RIN3: variants seen among roughly 807,000 people sequenced by gnomAD.
RIN3 encodes the protein Ras and Rab interactor 3, also known as RAB5 interacting protein 3.
A neutral mutation model predicts 76.3 loss-of-function variants in RIN3; 54 were observed. The ratio of observed to expected loss-of-function variants is 0.71; its 90% CI spans 0.57 to 0.89. RIN3 has a LOEUF of 0.89. Among genes scored for constraint, RIN3 ranks in the 40% least tolerant of loss-of-function variants. RIN3 has a pLI of 0.00. For missense variants in RIN3, 1,256 were observed against 1,322.1 expected, an observed-to-expected ratio of 0.95 and a Z score of 0.78; for synonymous variants, 576 against 564.0, an observed-to-expected ratio of 1.02 and a Z score of -0.30.
chr14:92,520,990 G>GTC (rs1896582181), intron 1 of RIN3, among the ~76,000 whole-genome samples: 1 of 152,070 alleles, frequency 6.6e-6, no homozygotes, highest in South Asian at 2.1e-4. Context: ...TGACATTTTT[G>GTC]ACGGAGCATC....
chr14:92,534,929 A>G (rs1896962097), intron 1 of RIN3, among the ~76,000 whole-genome samples: 1 of 152,220 alleles, frequency 6.6e-6, no homozygotes, highest in Admixed American at 6.5e-5. Context: ...AGAAAAGTGC[A>G]AAGAAGGAGA....
At chr14:92,538,584 TTGTC>T (rs1185870821) in intron 1 of RIN3, among the ~76,000 whole-genome samples, 1 of 152,134 alleles carries the variant, frequency 6.6e-6, no homozygotes, top group Non-Finnish European at 1.5e-5. Context: ...GTGAACATCT[TTGTC>T]TGTTAAGCTT....
chr14:92,565,379 C>T (rs1056148041), intron 2 of RIN3, among the ~76,000 whole-genome samples: 5 of 152,036 alleles, frequency 3.3e-5, no homozygotes, highest in African/African-American at 9.7e-5. Flanking sequence ...GGTTCTTGGA[C>T]CTCAGGCAAG....
chr14:92,522,274 C>G (rs1896620899), intron 1 of RIN3, among the ~76,000 whole-genome samples: 1 of 151,620 alleles, frequency 6.6e-6, no homozygotes, highest in African/African-American at 2.4e-5. Context: ...GTTCTTGTCT[C>G]TTTGGGTTGT....
At chr14:92,615,084 G>A (rs958709332) in intron 3 of RIN3, among the ~76,000 whole-genome samples, 5 of 151,846 alleles carry the variant, frequency 3.3e-5, no homozygotes, top group Admixed American at 6.6e-5. Context: ...CTTGTGATTC[G>A]CCCATCTCAG....
At position 92,623,210 on chromosome 14, in the gene RIN3, A is replaced by G. The variant is rs1013997197; in HGVS notation, c.440+7731A>G. 1.3e-5 allele frequency among the ~76,000 whole-genome samples: 2 copies of G among 152,228 alleles called. No homozygotes were observed. Among genetic ancestry groups the G allele is most frequent in the African/African-American group, 2.4e-5 (1 of 41,470 alleles). On this transcript the variant is annotated intron_variant, in intron 4 of 9. Transcript: ENST00000216487. This position sits in a 1 kb window ranked among gnomAD's most constrained non-coding sequence, Gnocchi z 4.9. ...ATCTGATAAGGAGGTAAGACCTTGT[A>G]AAGCTTTTGTAATTGTTCCATCAGG...
intron 1 of RIN3, among the ~76,000 whole-genome samples, chr14:92,535,358 G>T (rs1248768436): frequency 1.4e-5 from 2 of 143,934 alleles, no homozygotes; most frequent in African/African-American, 2.6e-5. Flanking sequence ...TTTTGAGGCA[G>T]GTTCTCGCTC....
At chr14:92,632,293 A>G (rs1886615051) in intron 4 of RIN3, among the ~76,000 whole-genome samples, 1 of 152,072 alleles carries the variant, frequency 6.6e-6, no homozygotes, top group African/African-American at 2.4e-5. Context: ...GTCAGCAGTG[A>G]TTTCGTGACT....
chr14:92,646,785 T>A (rs1318657149), intron 5 of RIN3, among the ~76,000 whole-genome samples: 2 of 152,214 alleles, frequency 1.3e-5, no homozygotes, highest in Admixed American at 6.5e-5. Context: ...AGGCTGAGGA[T>A]GAAAACCACA....
chr14:92,685,174 C>G lies in RIN3; in HGVS notation c.2631+24C>G, dbSNP rs1315036984. The G allele has an allele frequency of 6.4e-7, 1 of 1,568,758 alleles. No homozygotes were observed. Among genetic ancestry groups the G allele is most frequent in the Admixed American group, 1.8e-5 (1 of 54,716 alleles). ...AGGTGAGGCCTGAGAGCGGGAGGGG[C>G]CCGGTGGGGCCATGTCCCAGACACC... On this transcript the variant is annotated intron_variant, in intron 9 of 9. Transcript: ENST00000216487. This position sits in a 1 kb window ranked among gnomAD's most constrained non-coding sequence, Gnocchi z 4.7.
In RIN3 at chr14:92,528,867, G is replaced by T. The variant is rs1896814767; in HGVS notation, c.44+14891G>T. On this transcript the variant is annotated intron_variant, in intron 1 of 9. Transcript: ENST00000216487. ...GTTCGCGGGACACACTCCAGTTCTG[G>T]GGCTGGCAGAGGCTCCCCATGCAGC... Among the ~76,000 whole-genome samples, 3 of 152,242 alleles carry T rather than the reference G, an allele frequency of 2.0e-5. No individual in the cohort carries two copies. The South Asian group carries it at 6.2e-4, about 32-fold the overall frequency.
Position 92,653,002 on chromosome 14 carries a change from C to T in RIN3, c.1953C>T (p.Leu651=). 5 of 1,612,818 alleles carry T rather than the reference C, an allele frequency of 3.1e-6. No homozygotes were observed. The highest frequency in any genetic ancestry group is 4.2e-6 in the Non-Finnish European group (5 of 1,180,034). ...AGATTCGCACCATGATGACCCAGCTCAAGAGCTACCTGCTGCAGAGCACCG... is the reference window on the plus strand; with the variant it reads ...AGATTCGCACCATGATGACCCAGCTTAAGAGCTACCTGCTGCAGAGCACCG... ...LQEIRTMMTQ[L]KSYLLQSTEL... is the part of the protein sequence containing the mutation. The change falls in exon 6 of 10, where the codon CTC becomes CTT. Residue 651 remains leucine (L), a synonymous_variant. Coordinates refer to ENST00000216487, the MANE Select transcript of RIN3 (RefSeq NM_024832.5).
At chr14:92,556,494 A>C (rs1322722083) in intron 2 of RIN3, among the ~76,000 whole-genome samples, 1 of 152,142 alleles carries the variant, frequency 6.6e-6, no homozygotes, top group Non-Finnish European at 1.5e-5. Context: ...AGGGGCATTC[A>C]CACCACCCCC....
intron 7 of RIN3, among the ~76,000 whole-genome samples, chr14:92,660,667 T>C (rs1414999873): frequency 6.6e-6 from 1 of 152,220 alleles, no homozygotes; most frequent in Non-Finnish European, 1.5e-5. Context: ...ATTGACTTGT[T>C]TAGGCACAAG....
intron 3 of RIN3, among the ~76,000 whole-genome samples, chr14:92,592,191 C>G (rs1365212543): frequency 6.6e-6 from 1 of 152,028 alleles, no homozygotes; most frequent in African/African-American, 2.4e-5. Flanking sequence ...CACCTGAGGT[C>G]AGGAGTTTGA....
At chr14:92,678,446 C>CA (rs1290566435) in intron 8 of RIN3, among the ~76,000 whole-genome samples, 2 of 149,048 alleles carry the variant, frequency 1.3e-5, no homozygotes, top group East Asian at 4.1e-4. Context: ...TCCACATATC[C>CA]ATATACCCAC....
intron 1 of RIN3, among the ~76,000 whole-genome samples, chr14:92,518,763 T>G (rs888062182): frequency 2.1e-5 from 3 of 144,252 alleles, no homozygotes; most frequent in African/African-American, 7.9e-5. Context: ...TCTGGACCAC[T>G]GAGAAACTGG....
At chr14:92,672,727 T>A (rs890922201) in intron 7 of RIN3, among the ~76,000 whole-genome samples, 1 of 152,184 alleles carries the variant, frequency 6.6e-6, no homozygotes, top group African/African-American at 2.4e-5. Context: ...TGGTTTTCAG[T>A]ATATTTGCAA....
At chr14:92,631,599 T>G (rs1433582369) in intron 4 of RIN3, among the ~76,000 whole-genome samples, 4 of 152,026 alleles carry the variant, frequency 2.6e-5, no homozygotes, top group Non-Finnish European at 5.9e-5. Context: ...CTGCATTTTT[T>G]TTTGGCGGCG....
Sources: gnomAD v4.1 joint callset for allele counts (sites outside exome capture counted in the v4.1 genomes callset) on GRCh38, gnomAD v4.1.1 for gene constraint, Gnocchi (gnomAD v3.1) non-coding constraint, MANE v1.5 for transcripts, NCBI Gene and HGNC (gene_info 2026-07-23, HGNC 2026-07-21) for gene names.